The following AUTS2 variants were observed in gnomAD, a reference collection of about 807,000 sequenced individuals.
The protein encoded by AUTS2 is autism susceptibility gene 2 protein.
Under a neutral mutation model 112.4 loss-of-function variants are expected in AUTS2, and 17 were observed. The observed-to-expected ratio is 0.15, with a 90% confidence interval of 0.10 to 0.23. AUTS2 has a LOEUF of 0.23. Among genes scored for constraint, AUTS2 ranks in the 10% least tolerant of loss-of-function variants. AUTS2 has a pLI of 1.00. For synonymous variants in AUTS2, 751 were observed against 702.7 expected (o/e 1.07, Z -1.09); for missense variants, 1,510 against 1,701.6 (o/e 0.89, Z 1.98).
intron 5 of AUTS2, among the ~76,000 whole-genome samples, chr7:70,475,439 A>G (rs1186741818): frequency 3.3e-5 from 5 of 151,970 alleles, no homozygotes; most frequent in East Asian, 1.9e-4. Context: ...TTTATTTCCC[A>G]TTAGTGCTTT....
chr7:69,836,422 A>G (rs1046124809), intron 1 of AUTS2, among the ~76,000 whole-genome samples: 1 of 152,206 alleles, frequency 6.6e-6, no homozygotes, highest in Non-Finnish European at 1.5e-5. Flanking sequence ...ATCTTTTTGT[A>G]GTAAGGATAC....
intron 4 of AUTS2, among the ~76,000 whole-genome samples, chr7:70,323,587 G>A (rs1453548556): frequency 6.6e-6 from 1 of 152,180 alleles, no homozygotes; most frequent in Non-Finnish European, 1.5e-5. Context: ...GATGTGAACT[G>A]AATAATCACT....
At chr7:70,136,205 A>G (rs1043083960) in intron 4 of AUTS2, among the ~76,000 whole-genome samples, 11 of 152,188 alleles carry the variant, frequency 7.2e-5, no homozygotes, top group African/African-American at 2.7e-4. Flanking sequence ...TGGCTTTTAC[A>G]GAACATTGGA....
chr7:70,747,245 A>G (rs943967236), intron 6 of AUTS2, among the ~76,000 whole-genome samples: 1 of 152,264 alleles, frequency 6.6e-6, no homozygotes, highest in Non-Finnish European at 1.5e-5. Context: ...GCAGGAAAGT[A>G]GAAGTCATTC....
chr7:70,255,116 C>T (rs1465432751), intron 4 of AUTS2, among the ~76,000 whole-genome samples: 2 of 149,480 alleles, frequency 1.3e-5, no homozygotes, highest in South Asian at 2.1e-4. Context: ...CTCTGTCGCC[C>T]AGGCTGGAGT....
chr7:70,305,143 A>G (rs1462143659), intron 4 of AUTS2, among the ~76,000 whole-genome samples: 2 of 152,018 alleles, frequency 1.3e-5, no homozygotes, highest in Admixed American at 6.5e-5. Context: ...CCATTTTTAT[A>G]TATTTGGATT....
chr7:70,367,733 A>G (rs932300292), intron 4 of AUTS2, among the ~76,000 whole-genome samples: 1 of 152,154 alleles, frequency 6.6e-6, no homozygotes, highest in African/African-American at 2.4e-5. Flanking sequence ...GCAAAAGAAG[A>G]GAGTTCTCAG....
chr7:70,288,485 T>G (rs1420747419), intron 4 of AUTS2, among the ~76,000 whole-genome samples: 1 of 152,226 alleles, frequency 6.6e-6, no homozygotes, highest in African/African-American at 2.4e-5. Flanking sequence ...ATTTCAGACT[T>G]CATTTACCCG....
intron 1 of AUTS2, among the ~76,000 whole-genome samples, chr7:69,778,246 ATT>A (rs67736075): frequency 0.56 from 71,149 of 127,166 alleles, 18,765 homozygotes; most frequent in East Asian, 0.69. Flanking sequence ...ATATATATAT[ATT>A]TTTTTTTTTT....
At chr7:70,584,781 C>T (rs572968790) in intron 5 of AUTS2, among the ~76,000 whole-genome samples, 4 of 152,358 alleles carry the variant, frequency 2.6e-5, no homozygotes, top group East Asian at 3.9e-4. Context: ...AGGAATCCCT[C>T]GTCCTGCCAG....
chr7:70,692,064 C>T (rs529010731), intron 5 of AUTS2, among the ~76,000 whole-genome samples: 86 of 152,058 alleles, frequency 5.7e-4, no homozygotes, highest in South Asian at 1.2e-3. Flanking sequence ...GACGGGGTTT[C>T]GCCATGTTAG....
intron 14 of AUTS2, among the ~76,000 whole-genome samples, chr7:70,779,004 A>C (rs541102196): frequency 6.6e-6 from 1 of 152,220 alleles, no homozygotes; most frequent in Non-Finnish European, 1.5e-5. Context: ...CCTCTTGAAC[A>C]TGAGATAACT....
intron 6 of AUTS2, among the ~76,000 whole-genome samples, chr7:70,736,565 A>C: frequency 6.6e-6 from 1 of 152,318 alleles, no homozygotes; most frequent in Admixed American, 6.5e-5. Flanking sequence ...TACTTTTAAA[A>C]GTGGCAGATT....
chr7:70,450,965 A>C (rs1796507325), intron 5 of AUTS2, among the ~76,000 whole-genome samples: 1 of 152,126 alleles, frequency 6.6e-6, no homozygotes, highest in Admixed American at 6.5e-5. Flanking sequence ...TGGAGAAAAT[A>C]GGAGCTCAGG....
chr7:70,708,379 G>A (rs1284037691), intron 6 of AUTS2, among the ~76,000 whole-genome samples: 2 of 152,106 alleles, frequency 1.3e-5, no homozygotes, highest in African/African-American at 2.4e-5. Flanking sequence ...CATCAGTGGT[G>A]ATTCCATTGA....
chr7:69,656,292 G>T (rs1015436622), intron 1 of AUTS2, among the ~76,000 whole-genome samples: 4 of 152,198 alleles, frequency 2.6e-5, no homozygotes, highest in African/African-American at 9.6e-5. Context: ...GGAAATATAA[G>T]CTTGCCACCA....
chr7:70,102,781 T>A (rs1804569112), intron 2 of AUTS2, among the ~76,000 whole-genome samples: 1 of 152,154 alleles, frequency 6.6e-6, no homozygotes. Context: ...CCAAATTTCT[T>A]TAAGATGGCT....
chr7:69,742,507 T>TG (rs1322789273), intron 1 of AUTS2, among the ~76,000 whole-genome samples: 1 of 152,146 alleles, frequency 6.6e-6, no homozygotes, highest in African/African-American at 2.4e-5. Flanking sequence ...TTGGAGGCAA[T>TG]GCAGGCTTGG....
At chr7:70,687,897 C>T (rs1168516603) in intron 5 of AUTS2, among the ~76,000 whole-genome samples, 1 of 152,188 alleles carries the variant, frequency 6.6e-6, no homozygotes, top group Admixed American at 6.5e-5. Flanking sequence ...CAGAAGAAAT[C>T]CCTGGGAACC....
Sources: allele counts gnomAD v4.1 joint callset (sites outside exome capture counted in the v4.1 genomes callset), GRCh38; gene constraint gnomAD v4.1.1; transcripts MANE v1.5; gene names NCBI Gene and HGNC (gene_info 2026-07-23, HGNC 2026-07-21).